FAM135B: variants seen among roughly 807,000 people sequenced by gnomAD.
FAM135B encodes the protein protein FAM135B.
A neutral mutation model predicts 127.7 loss-of-function variants in FAM135B; 43 were observed. The ratio of observed to expected loss-of-function variants is 0.34; its 90% CI spans 0.26 to 0.43. The LOEUF (loss-of-function observed/expected upper bound fraction) is 0.43. Among genes scored for constraint, FAM135B ranks in the 20% least tolerant of loss-of-function variants. FAM135B has a pLI of 1.00. For synonymous variants in FAM135B, 670 were observed against 665.1 expected (o/e 1.01, Z -0.11); for missense variants, 1,558 against 1,725.6 (o/e 0.90, Z 1.72).
intron 1 of FAM135B, among the ~76,000 whole-genome samples, chr8:138,455,686 T>C (rs567023842): frequency 6.6e-6 from 1 of 152,140 alleles, no homozygotes; most frequent in Non-Finnish European, 1.5e-5. Flanking sequence ...TTATTCTCCT[T>C]GTGAATGGAT....
chr8:138,310,035 A>T (rs1243390455), intron 3 of FAM135B, among the ~76,000 whole-genome samples: 2 of 151,566 alleles, frequency 1.3e-5, no homozygotes, highest in African/African-American at 4.9e-5. Flanking sequence ...TGCCTGGCTA[A>T]TTTTTTTGTA....
chr8:138,158,847 C>T (rs1819052629), intron 12 of FAM135B, among the ~76,000 whole-genome samples: 1 of 152,166 alleles, frequency 6.6e-6, no homozygotes, highest in Non-Finnish European at 1.5e-5. Context: ...GTTGGTAGGA[C>T]TGTAAACTAG....
At chr8:138,289,400 A>C (rs1414217471) in intron 3 of FAM135B, among the ~76,000 whole-genome samples, 1 of 152,172 alleles carries the variant, frequency 6.6e-6, no homozygotes, top group Admixed American at 6.5e-5. Context: ...CAGTTACTCA[A>C]TCAATAAACT....
intron 7 of FAM135B, among the ~76,000 whole-genome samples, chr8:138,204,693 G>T (rs1486558069): frequency 6.6e-6 from 1 of 152,172 alleles, no homozygotes; most frequent in Non-Finnish European, 1.5e-5. Flanking sequence ...TAATAATCAT[G>T]CTATAGAAAT....
chr8:138,497,461 C>T (rs956685381), upstream of FAM135B, among the ~76,000 whole-genome samples: 1 of 152,092 alleles, frequency 6.6e-6, no homozygotes, highest in African/African-American at 2.4e-5. Context: ...CGGGGCTCCC[C>T]TCTCGAGCCA....
intron 2 of FAM135B, among the ~76,000 whole-genome samples, chr8:138,352,585 A>G (rs1030107628): frequency 6.6e-6 from 1 of 152,114 alleles, no homozygotes; most frequent in Non-Finnish European, 1.5e-5. Context: ...GTCTCTAAAC[A>G]CTTGAGTCTA....
At chr8:138,459,017 T>C (rs1256101351) in intron 1 of FAM135B, 1 of 152,212 alleles carries the variant, frequency 6.6e-6, no homozygotes, top group African/African-American at 2.4e-5. Context: ...ACAGCAGAGG[T>C]TGGGCGTCTG....
chr8:138,423,844 C>T (rs142966387), intron 1 of FAM135B, among the ~76,000 whole-genome samples: 1,624 of 152,226 alleles, frequency 0.011, 35 homozygotes, highest in African/African-American at 0.037. Context: ...CCATAAAAGA[C>T]GGCTGCACCC....
At chr8:138,482,748 A>G (rs183599282) in intron 1 of FAM135B, among the ~76,000 whole-genome samples, 18 of 152,300 alleles carry the variant, frequency 1.2e-4, no homozygotes, top group Admixed American at 1.2e-3. Flanking sequence ...AACTTGACCA[A>G]TGCCAGTAGC....
At chr8:138,134,071 T>C (rs1173097669) in intron 19 of FAM135B, among the ~76,000 whole-genome samples, 1 of 152,134 alleles carries the variant, frequency 6.6e-6, no homozygotes, top group Non-Finnish European at 1.5e-5. Flanking sequence ...CAGGCAATAA[T>C]ATGATGTGAG....
chr8:138,287,797 C>T (rs1481779444), intron 3 of FAM135B, among the ~76,000 whole-genome samples: 4 of 152,162 alleles, frequency 2.6e-5, no homozygotes, highest in Admixed American at 2.0e-4. Context: ...CACCACTGTT[C>T]CCAGTAGTAC....
chr8:138,258,803 CCACACACACA>C (rs57817492), intron 4 of FAM135B, among the ~76,000 whole-genome samples: 17 of 146,526 alleles, frequency 1.2e-4, no homozygotes, highest in East Asian at 2.0e-4. Flanking sequence ...GACACACACA[CCACACACACA>C]CACACACACA....
At chr8:138,352,130 C>G (rs767451542) in intron 2 of FAM135B, among the ~76,000 whole-genome samples, 3 of 152,148 alleles carry the variant, frequency 2.0e-5, no homozygotes, top group Non-Finnish European at 2.9e-5. Flanking sequence ...CATTGGGAAA[C>G]CATTGGCACC....
intron 12 of FAM135B, among the ~76,000 whole-genome samples, chr8:138,159,258 G>A (rs1189951296): frequency 3.9e-5 from 3 of 76,328 alleles, no homozygotes; most frequent in South Asian, 5.3e-4. Context: ...CGGCCTGGGC[G>A]ACAGAGCGAG....
intron 2 of FAM135B, among the ~76,000 whole-genome samples, chr8:138,333,837 A>C (rs904118101): frequency 6.6e-5 from 10 of 152,114 alleles, no homozygotes; most frequent in African/African-American, 2.4e-4. Context: ...TGTTCAACCT[A>C]CTTATTTGAG....
intron 7 of FAM135B, among the ~76,000 whole-genome samples, chr8:138,218,766 C>CACAG (rs1469155017): frequency 6.6e-4 from 53 of 80,540 alleles, no homozygotes; most frequent in African/African-American, 1.9e-3. Flanking sequence ...CACACACACA[C>CACAG]AGAGAGAGAG....
intron 3 of FAM135B, among the ~76,000 whole-genome samples, chr8:138,279,621 T>A (rs947974733): frequency 1.3e-5 from 2 of 151,800 alleles, no homozygotes; most frequent in East Asian, 3.9e-4. Context: ...TATAAAGTAA[T>A]CATGAAAGAT....
At chr8:138,161,459 G>A (rs1032656978) in intron 12 of FAM135B, among the ~76,000 whole-genome samples, 4 of 152,000 alleles carry the variant, frequency 2.6e-5, no homozygotes, top group Non-Finnish European at 4.4e-5. Context: ...TCATGAAATA[G>A]TCGTGTGACA....
chr8:138,448,848 T>C (rs924259949), intron 1 of FAM135B, among the ~76,000 whole-genome samples: 9 of 151,206 alleles, frequency 6.0e-5, no homozygotes. Flanking sequence ...ATAGTAGCTG[T>C]TTCCATGGAG....
Sources: gnomAD v4.1 joint callset for allele counts (sites outside exome capture counted in the v4.1 genomes callset) on GRCh38, gnomAD v4.1.1 for gene constraint, MANE v1.5 for transcripts, NCBI Gene and HGNC (gene_info 2026-07-23, HGNC 2026-07-21) for gene names.